Variants in RABGGTB observed in about 807,000 individuals in gnomAD.
RABGGTB encodes the protein geranylgeranyl transferase type-2 subunit beta.
A neutral mutation model predicts 44.5 loss-of-function variants in RABGGTB; 20 were observed. That is an observed-to-expected ratio of 0.45 (90% CI 0.32 to 0.65). The LOEUF (loss-of-function observed/expected upper bound fraction) is 0.65, where lower values mean the gene tolerates loss of function less well. Ranked by LOEUF, RABGGTB falls within the 30% of genes least tolerant of loss-of-function variation. The probability of loss-of-function intolerance (pLI) is 0.05; values close to 1 mark genes in which losing one functional copy is unlikely to be tolerated. For missense variants in RABGGTB, 302 were observed against 398.7 expected, an observed-to-expected ratio of 0.76 and a Z score of 2.06; for synonymous variants, 128 against 136.7, an observed-to-expected ratio of 0.94 and a Z score of 0.44.
Position 75,794,734 on chromosome 1 carries a change from C to A in RABGGTB, c.*84C>A. The stretch of plus-strand genomic sequence containing the variant: ...AAGTGCTTATCGAATCTAAAAGTGA[C>A]TACTGTTAATATTTTGTATATTGTG... On this transcript the variant is annotated 3_prime_UTR_variant, in exon 9 of 9. Coordinates refer to ENST00000319942, the MANE Select transcript of RABGGTB (RefSeq NM_004582.4). 8.9e-7 allele frequency: 1 copy of A among 1,122,926 alleles called. No individual in the cohort carries two copies. Among genetic ancestry groups the A allele is most frequent in the Non-Finnish European group, 1.2e-6 (1 of 833,540 alleles). The allele number at this position is 1,122,926 out of a possible 1,614,324, so 69.6% of individuals were successfully genotyped here. A position where few individuals can be genotyped will look rare whatever the true frequency, so the allele number is the denominator to read the frequency against.
chr1:75,790,913 G>A (rs908997002), intron 4 of RABGGTB, among the ~76,000 whole-genome samples: 2 of 152,058 alleles, frequency 1.3e-5, no homozygotes, highest in African/African-American at 4.8e-5. Context: ...AAAGTGCTGG[G>A]ATTTCAGGCC....
chr1:75,792,358 T>C, intron 7 of RABGGTB, 52 bp downstream of exon 7: 3 of 1,592,574 alleles, frequency 1.9e-6, no homozygotes, highest in East Asian at 2.3e-5. Context: ...GAGTGAATGC[T>C]GCTGCTTTGT....
At chr1:75,787,430 CTA>C in intron 1 of RABGGTB, 65 bp from the exon 2 acceptor site, 1 of 1,162,608 alleles carries the variant, frequency 8.6e-7, no homozygotes. Flanking sequence ...TATGTTGAAT[CTA>C]TGCTGTGGGG....
intron 2 of RABGGTB, 74 bp from the exon 3 acceptor site, chr1:75,789,085 A>G (rs1557480212): frequency 1.5e-6 from 2 of 1,365,028 alleles, no homozygotes; most frequent in African/African-American, 1.4e-5. Context: ...CTAATGAGTT[A>G]CCTTTGTGTT....
chr1:75,793,963 A>G, intron 7 of RABGGTB, 121 bp from the exon 8 acceptor site: 2 of 1,049,574 alleles, frequency 1.9e-6, no homozygotes, highest in Non-Finnish European at 2.7e-6. Context: ...TCGTCCTTCC[A>G]CATGGTTTGA....
In RABGGTB at chr1:75,794,815, AT is replaced by A; in HGVS notation, c.*169del. 2.3e-6 allele frequency: 1 copy of A among 433,546 alleles called. No homozygotes were observed. Among genetic ancestry groups the A allele is most frequent in the Non-Finnish European group, 3.4e-6 (1 of 293,762 alleles). The allele number at this position is 433,546 out of a possible 1,614,324, so 26.9% of individuals were successfully genotyped here. A position where few individuals can be genotyped will look rare whatever the true frequency, so the allele number is the denominator to read the frequency against. ...TACATATTGTAAAATAAAGACCGGT[AT>A]TTTATTTTCTGCTTTTTATTCTGAA... On this transcript the variant is annotated 3_prime_UTR_variant, in exon 9 of 9. Coordinates refer to ENST00000319942, the MANE Select transcript of RABGGTB (RefSeq NM_004582.4).
chr1:75,788,097 A>G (rs1312679913), intron 2 of RABGGTB: 1 of 348,602 alleles, frequency 2.9e-6, no homozygotes, highest in East Asian at 7.2e-5. Flanking sequence ...CAGTTGTCTT[A>G]GTCTACCGAT....
At chr1:75,790,171 C>A in intron 4 of RABGGTB, 114 bp downstream of exon 4, 1 of 1,517,832 alleles carries the variant, frequency 6.6e-7, no homozygotes, top group South Asian at 1.3e-5. Context: ...AGCAGCTGGT[C>A]TAACTGGAGT....
intron 7 of RABGGTB, among the ~76,000 whole-genome samples, chr1:75,792,792 A>G (rs1418752218): frequency 2.0e-5 from 3 of 152,178 alleles, no homozygotes; most frequent in African/African-American, 7.2e-5. Flanking sequence ...ATGAATGAGT[A>G]TGGCTGTGTT....
At chr1:75,792,118 A>G in intron 6 of RABGGTB, 63 bp from the exon 7 acceptor site, 1 of 1,403,598 alleles carries the variant, frequency 7.1e-7, no homozygotes, top group South Asian at 1.2e-5. Context: ...TAATAATTTG[A>G]GTTTTATCAC....
chr1:75,789,608 A>G, intron 3 of RABGGTB: 2 of 683,002 alleles, frequency 2.9e-6, no homozygotes, highest in Non-Finnish European at 5.4e-6. Flanking sequence ...AAATGGAGCT[A>G]TTTGATTTTG....
intron 7 of RABGGTB, 176 bp from the exon 8 acceptor site, chr1:75,793,908 C>T (rs1245328424): frequency 1.2e-5 from 7 of 574,978 alleles, no homozygotes; most frequent in South Asian, 3.9e-5. Flanking sequence ...ATCTTTCATT[C>T]TAAGCAAGTA....
chr1:75,794,949 T>C lies in RABGGTB; in HGVS notation c.*299T>C. The C allele has an allele frequency of 5.1e-6, 1 of 194,754 alleles. No homozygotes were observed. The highest frequency in any genetic ancestry group is 1.1e-5 in the Non-Finnish European group (1 of 94,940). The allele number at this position is 194,754 out of a possible 1,614,324, so 12.1% of individuals were successfully genotyped here. A position where few individuals can be genotyped will look rare whatever the true frequency, so the allele number is the denominator to read the frequency against. Reference sequence around the variant, plus strand: ...AGGTTTCTACTTGATTTTTCCCCCATGTATACCTTTCATCTGTTCTATAGC... The same window carrying C: ...AGGTTTCTACTTGATTTTTCCCCCACGTATACCTTTCATCTGTTCTATAGC... On this transcript the variant is annotated 3_prime_UTR_variant, in exon 9 of 9. Transcript: ENST00000319942.
At chr1:75,793,969 T>C in intron 7 of RABGGTB, 115 bp from the exon 8 acceptor site, 1 of 1,103,010 alleles carries the variant, frequency 9.1e-7, no homozygotes, top group Non-Finnish European at 1.3e-6. Flanking sequence ...TTCCACATGG[T>C]TTGACACTTT....
At position 75,789,935 on chromosome 1, in the gene RABGGTB, ACTTGT is replaced by A. The variant is rs1649605395; in HGVS notation, c.310-13_310-9del. ...AACCTGAAAGGGACATTTACCTAATACTTGTCTTTATTGCAGATTCTTACGCTGTA... is the reference window on the plus strand; with the variant it reads ...AACCTGAAAGGGACATTTACCTAATACTTTATTGCAGATTCTTACGCTGTA... On this transcript the variant is annotated splice_polypyrimidine_tract_variant and intron_variant, in intron 3 of 8. Transcript: ENST00000319942. 6.4e-7 allele frequency: 1 copy of A among 1,558,070 alleles called. No homozygotes were observed.
At chr1:75,789,399 TCTTA>T (rs1436357053) in intron 3 of RABGGTB, 43 bp downstream of exon 3, 9 of 1,569,710 alleles carry the variant, frequency 5.7e-6, no homozygotes, top group Non-Finnish European at 7.9e-6. Flanking sequence ...TAGTATGTTC[TCTTA>T]CTTCAGAGTT....
intron 7 of RABGGTB, 57 bp downstream of exon 7, chr1:75,792,363 C>CT: frequency 6.3e-7 from 1 of 1,587,734 alleles, no homozygotes. Flanking sequence ...AATGCTGCTG[C>CT]TTTGTCTTGC....
intron 1 of RABGGTB, chr1:75,786,583 G>T: frequency 5.2e-6 from 2 of 385,230 alleles, no homozygotes; most frequent in Non-Finnish European, 9.4e-6. Context: ...TTGGAGAGGG[G>T]GTGTCAAAGA....
Position 75,787,600 on chromosome 1 carries a change from A to G in RABGGTB, c.107A>G (p.Asp36Gly), listed in dbSNP as rs746628957. 2.5e-6 allele frequency: 4 copies of G among 1,605,060 alleles called. No homozygotes were observed. Among genetic ancestry groups the G allele is most frequent in the Non-Finnish European group, 3.4e-6 (4 of 1,171,888 alleles). The change falls in exon 2 of 9, where the codon GAT becomes GGT. Residue 36 changes from aspartate (D) to glycine (G), a missense_variant. Transcript: ENST00000319942. ...YIASYGSKKD[D>G]YEYCMSEYLR... ...GCATCCTATGGCTCAAAGAAAGATG[A>G]TTATGTATGTATAATTTTTTTATGT...
Sources: allele counts gnomAD v4.1 joint callset (sites outside exome capture counted in the v4.1 genomes callset), GRCh38; gene constraint gnomAD v4.1.1; transcripts MANE v1.5; gene names NCBI Gene and HGNC (gene_info 2026-07-23, HGNC 2026-07-21).